The following DLG2 variants were observed in gnomAD, a reference collection of about 807,000 sequenced individuals.
The protein encoded by DLG2 is disks large homolog 2.
A neutral mutation model predicts 132.5 loss-of-function variants in DLG2; 45 were observed. The ratio of observed to expected loss-of-function variants is 0.34; its 90% CI spans 0.27 to 0.44. The LOEUF (loss-of-function observed/expected upper bound fraction) is 0.44. Ranked by LOEUF, DLG2 falls within the 20% of genes least tolerant of loss-of-function variation. DLG2 has a pLI of 1.00. For synonymous variants in DLG2, 424 were observed against 419.6 expected (o/e 1.01, Z -0.13); for missense variants, 1,045 against 1,196.9 (o/e 0.87, Z 1.87).
At chr11:84,636,206 G>A (rs2099640216) in intron 6 of DLG2, among the ~76,000 whole-genome samples, 1 of 152,200 alleles carries the variant, frequency 6.6e-6, no homozygotes, top group Admixed American at 6.5e-5. Flanking sequence ...ATGTGTGTGT[G>A]TAAAAATCAA....
intron 14 of DLG2, among the ~76,000 whole-genome samples, chr11:83,954,906 G>C (rs2154150817): frequency 6.6e-6 from 1 of 152,238 alleles, no homozygotes; most frequent in South Asian, 2.1e-4. Flanking sequence ...ATGACTCTCT[G>C]TAATAAAATA....
intron 6 of DLG2, among the ~76,000 whole-genome samples, chr11:84,625,218 TA>T (rs1180025537): frequency 1.3e-5 from 2 of 152,046 alleles, no homozygotes; most frequent in Non-Finnish European, 2.9e-5. Context: ...ATGAAACATC[TA>T]AAATTTCACA....
At chr11:85,071,814 C>G (rs542370673) in intron 6 of DLG2, among the ~76,000 whole-genome samples, 1 of 151,762 alleles carries the variant, frequency 6.6e-6, no homozygotes, top group Admixed American at 6.6e-5. Flanking sequence ...AGCCTTGAAG[C>G]CAAAGAGTTC....
chr11:85,088,480 T>TTCAAATTTTCTTCCATGTG, intron 6 of DLG2, among the ~76,000 whole-genome samples: 1 of 152,298 alleles, frequency 6.6e-6, no homozygotes, highest in East Asian at 1.9e-4. Flanking sequence ...CATATAAACA[T>TTCAAATTTTCTTCCATGTG]TCAAATTTTC....
intron 10 of DLG2, among the ~76,000 whole-genome samples, chr11:84,079,704 C>G (rs1455609408): frequency 1.3e-5 from 2 of 152,132 alleles, no homozygotes; most frequent in African/African-American, 4.8e-5. Context: ...TTGAAACATT[C>G]CAGGTCTCAT....
chr11:83,773,527 G>A (rs2094475438), intron 18 of DLG2, among the ~76,000 whole-genome samples: 1 of 152,170 alleles, frequency 6.6e-6, no homozygotes, highest in Admixed American at 6.5e-5. Context: ...CTGAGTGTGT[G>A]TTTGTCTTTA....
intron 16 of DLG2, among the ~76,000 whole-genome samples, chr11:83,846,814 A>G (rs2058693202): frequency 6.6e-6 from 1 of 152,108 alleles, no homozygotes; most frequent in Non-Finnish European, 1.5e-5. Context: ...TAATCTAATA[A>G]CCAAGTTCCA....
intron 6 of DLG2, among the ~76,000 whole-genome samples, chr11:84,587,788 A>G (rs941747926): frequency 1.3e-5 from 2 of 152,192 alleles, no homozygotes; most frequent in African/African-American, 4.8e-5. Context: ...TGCTCATTAT[A>G]TTATGCAGTC....
At chr11:85,370,947 A>G (rs899419799) in intron 3 of DLG2, among the ~76,000 whole-genome samples, 5 of 152,182 alleles carry the variant, frequency 3.3e-5, no homozygotes, top group South Asian at 2.1e-4. Flanking sequence ...TATGCTACCA[A>G]TCACAACTAA....
chr11:83,930,869 C>A (rs553090808), intron 14 of DLG2, among the ~76,000 whole-genome samples: 114 of 152,196 alleles, frequency 7.5e-4, no homozygotes, highest in African/African-American at 2.7e-3. Context: ...TCATCTTAGA[C>A]CATGAAGCAA....
chr11:84,368,806 T>G (rs2098694479), intron 7 of DLG2, among the ~76,000 whole-genome samples: 1 of 152,292 alleles, frequency 6.6e-6, no homozygotes, highest in South Asian at 2.1e-4. Context: ...ATTGTGTTAA[T>G]TTTTAATTTT....
chr11:83,746,209 C>T (rs1253741033), intron 18 of DLG2, among the ~76,000 whole-genome samples: 1 of 152,174 alleles, frequency 6.6e-6, no homozygotes, highest in African/African-American at 2.4e-5. Flanking sequence ...CCATTTGACC[C>T]AGCCATCCCA....
chr11:84,189,356 G>T (rs1281928895), intron 8 of DLG2, among the ~76,000 whole-genome samples: 1 of 152,132 alleles, frequency 6.6e-6, no homozygotes, highest in East Asian at 1.9e-4. Flanking sequence ...GGAGAAAAAG[G>T]TACGCTTTTA....
intron 6 of DLG2, among the ~76,000 whole-genome samples, chr11:84,853,672 C>A (rs531971123): frequency 4.1e-4 from 62 of 151,978 alleles, no homozygotes; most frequent in Non-Finnish European, 6.8e-4. Flanking sequence ...ACATTAGCAA[C>A]AATCCTTAAC....
chr11:85,414,948 T>G (rs1315924797), intron 3 of DLG2, among the ~76,000 whole-genome samples: 2 of 151,824 alleles, frequency 1.3e-5, no homozygotes, highest in Non-Finnish European at 2.9e-5. Flanking sequence ...GCCATGGGGG[T>G]TTGCTGCACT....
At chr11:83,779,207 G>GTTTAT (rs2094706977) in intron 18 of DLG2, among the ~76,000 whole-genome samples, 1 of 152,038 alleles carries the variant, frequency 6.6e-6, no homozygotes, top group Admixed American at 6.6e-5. Flanking sequence ...ATAAATGAAT[G>GTTTAT]GATAAGCAGC....
intron 6 of DLG2, among the ~76,000 whole-genome samples, chr11:84,585,331 A>G (rs2099527091): frequency 6.6e-6 from 1 of 152,178 alleles, no homozygotes; most frequent in African/African-American, 2.4e-5. Context: ...AGAACTGGTG[A>G]ACTTACCTTC....
intron 9 of DLG2, among the ~76,000 whole-genome samples, chr11:84,125,548 C>A (rs1054367514): frequency 5.9e-5 from 9 of 152,070 alleles, no homozygotes; most frequent in African/African-American, 1.9e-4. Context: ...GAGATGGGGG[C>A]AAGTCAGCTG....
chr11:83,977,346 T>C (rs1249510389), intron 12 of DLG2, among the ~76,000 whole-genome samples: 1 of 151,950 alleles, frequency 6.6e-6, no homozygotes, highest in African/African-American at 2.4e-5. Flanking sequence ...ATCAAGAGTA[T>C]GAGCTATTAA....
Sources: gnomAD v4.1 joint callset for allele counts (sites outside exome capture counted in the v4.1 genomes callset) on GRCh38, gnomAD v4.1.1 for gene constraint, MANE v1.5 for transcripts, NCBI Gene and HGNC (gene_info 2026-07-23, HGNC 2026-07-21) for gene names.